Variants in PKP4 observed in about 807,000 individuals in gnomAD.
PKP4 encodes plakophilin 4, also known as plakophilin-4.
Under a neutral mutation model 145.1 loss-of-function variants are expected in PKP4, and 90 were observed. The observed-to-expected ratio is 0.62, with a 90% CI of 0.52 to 0.74. PKP4 has a LOEUF of 0.74. Among genes scored for constraint, PKP4 ranks in the 30% least tolerant of loss-of-function variants. PKP4 has a pLI of 0.00. For missense variants in PKP4, 1,340 were observed against 1,482.7 expected (o/e 0.90, Z 1.58); for synonymous variants, 563 against 577.2 (o/e 0.98, Z 0.35).
chr2:158,484,238 G>A (rs867693876), intron 1 of PKP4, among the ~76,000 whole-genome samples: 1 of 151,748 alleles, frequency 6.6e-6, no homozygotes, highest in Non-Finnish European at 1.5e-5. Context: ...TAGTAGAGAC[G>A]GGGTTTCACC....
At chr2:158,502,600 G>C (rs1696749884) in intron 1 of PKP4, among the ~76,000 whole-genome samples, 1 of 152,142 alleles carries the variant, frequency 6.6e-6, no homozygotes, top group Admixed American at 6.5e-5. Context: ...GTCACTTCTA[G>C]TTGAAATCTC....
At chr2:158,551,881 C>T (rs1166914482) in intron 2 of PKP4, among the ~76,000 whole-genome samples, 2 of 152,140 alleles carry the variant, frequency 1.3e-5, no homozygotes, top group Non-Finnish European at 2.9e-5. Context: ...TTTTTATAGA[C>T]AGGATAGTCT....
chr2:158,641,487 T>C (rs906156807), intron 10 of PKP4, among the ~76,000 whole-genome samples: 2 of 150,872 alleles, frequency 1.3e-5, no homozygotes, highest in African/African-American at 5.0e-5. Flanking sequence ...AATATTTTAT[T>C]TCAGGGTTTT....
chr2:158,608,781 A>G (rs2050859683), intron 4 of PKP4, among the ~76,000 whole-genome samples: 1 of 150,910 alleles, frequency 6.6e-6, no homozygotes, highest in Non-Finnish European at 1.5e-5. Flanking sequence ...TATGAATAAA[A>G]TAGTAAAATC....
intron 2 of PKP4, among the ~76,000 whole-genome samples, chr2:158,553,908 G>T (rs1002764469): frequency 6.6e-6 from 1 of 152,178 alleles, no homozygotes; most frequent in African/African-American, 2.4e-5. Flanking sequence ...TTTGAGTGAT[G>T]AAATTTATGT....
intron 4 of PKP4, among the ~76,000 whole-genome samples, chr2:158,614,302 C>T (rs1371622363): frequency 6.6e-6 from 1 of 152,064 alleles, no homozygotes. Context: ...AAATTAAATA[C>T]AAATGCTTTA....
Position 158,673,926 on chromosome 2 carries a change from T to TGGAGCG in PKP4, c.3054_3059dup (p.Glu1019_Arg1020dup). On this transcript the variant is annotated inframe_insertion, in exon 19 of 22. Transcript: ENST00000389759. ...CATTTTATTACACCTGTGTCGACATTGGAGCGAGACCGATTCAAATCACAT... is the reference window on the plus strand; with the variant it reads ...CATTTTATTACACCTGTGTCGACATTGGAGCGGGAGCGAGACCGATTCAAATCACAT... 6.2e-7 allele frequency: 1 copy of TGGAGCG among 1,613,380 alleles called. No individual in the cohort carries two copies. Among genetic ancestry groups the TGGAGCG allele is most frequent in the East Asian group, 2.2e-5 (1 of 44,886 alleles).
intron 1 of PKP4, among the ~76,000 whole-genome samples, chr2:158,482,404 C>T (rs1322867773): frequency 6.6e-6 from 1 of 152,196 alleles, no homozygotes; most frequent in Non-Finnish European, 1.5e-5. Context: ...CTGCTTCAGC[C>T]TCCATTGTAG....
rs2058030164 is a variant in PKP4, at chr2:158,676,590, A to ACTC, written c.3128-147_3128-145dup. 1.2e-5 allele frequency: 11 copies of ACTC among 945,866 alleles called. No individual in the cohort carries two copies. In the South Asian group the frequency reaches 1.6e-4, roughly 14 times the overall value. The allele number at this position is 945,866 out of a possible 1,614,324, so 58.6% of individuals were successfully genotyped here. A position where few individuals can be genotyped will look rare whatever the true frequency, so the allele number is the denominator to read the frequency against. The stretch of plus-strand genomic sequence containing the variant: ...AGTACTTGGGTCTAGCTGCTCTTCC[A>ACTC]CTCCCAGCACCTCTGAGATATTTTC... On this transcript the variant is annotated intron_variant, in intron 19 of 21. Coordinates refer to ENST00000389759, the MANE Select transcript of PKP4 (RefSeq NM_003628.6).
At chr2:158,655,082 G>T (rs1162068985) in intron 11 of PKP4, among the ~76,000 whole-genome samples, 3 of 152,018 alleles carry the variant, frequency 2.0e-5, no homozygotes, top group Non-Finnish European at 4.4e-5. Flanking sequence ...AATTAATTTT[G>T]TACAACTTGG....
chr2:158,678,492 G>A (rs1347665147), intron 20 of PKP4, 89 bp from the exon 21 acceptor site: 2 of 896,108 alleles, frequency 2.2e-6, no homozygotes, highest in South Asian at 1.3e-5. Context: ...GTCGGGGACA[G>A]TGCTAGCCCT....
intron 2 of PKP4, among the ~76,000 whole-genome samples, chr2:158,571,815 G>C (rs1011003260): frequency 5.3e-5 from 8 of 152,244 alleles, no homozygotes; most frequent in Admixed American, 3.3e-4. Context: ...AGTGTTACGT[G>C]AAAATGGTTC....
intron 2 of PKP4, among the ~76,000 whole-genome samples, chr2:158,546,036 G>A (rs1020999540): frequency 6.6e-6 from 1 of 152,140 alleles, no homozygotes; most frequent in Non-Finnish European, 1.5e-5. Context: ...CCCAGAATAT[G>A]TTTTTGACAT....
intron 1 of PKP4, among the ~76,000 whole-genome samples, chr2:158,475,055 G>C (rs2105415689): frequency 6.6e-6 from 1 of 152,308 alleles, no homozygotes; most frequent in South Asian, 2.1e-4. Context: ...GTTATACTGA[G>C]ATATCAGCTC....
intron 11 of PKP4, among the ~76,000 whole-genome samples, chr2:158,642,962 TA>T (rs2054446437): frequency 6.6e-6 from 1 of 152,242 alleles, no homozygotes; most frequent in Admixed American, 6.5e-5. Flanking sequence ...CATGGAGGAC[TA>T]AATATGACAT....
At chr2:158,636,628 C>T (rs1398103003) in intron 9 of PKP4, among the ~76,000 whole-genome samples, 1 of 152,034 alleles carries the variant, frequency 6.6e-6, no homozygotes, top group Non-Finnish European at 1.5e-5. Context: ...CTCTTTTCTC[C>T]TTCTAGGACT....
At chr2:158,671,502 C>A (rs1012135041) in intron 17 of PKP4, among the ~76,000 whole-genome samples, 3 of 152,136 alleles carry the variant, frequency 2.0e-5, no homozygotes, top group Admixed American at 1.3e-4. Context: ...AGTGCCAGAA[C>A]CTTTCCATAT....
intron 3 of PKP4, among the ~76,000 whole-genome samples, chr2:158,582,168 T>C (rs1001436064): frequency 1.3e-5 from 2 of 152,238 alleles, no homozygotes; most frequent in African/African-American, 4.8e-5. Flanking sequence ...ATTATCTGTG[T>C]ATTTAATATT....
chr2:158,676,149 T>G (rs13417636), intron 19 of PKP4, among the ~76,000 whole-genome samples: 17,439 of 152,184 alleles, frequency 0.11, 1,035 homozygotes, highest in Middle Eastern at 0.17. Context: ...CCAGGCTTAC[T>G]GGGTTTAAAT....
Sources: gnomAD v4.1 joint callset for allele counts (sites outside exome capture counted in the v4.1 genomes callset) on GRCh38, gnomAD v4.1.1 for gene constraint, MANE v1.5 for transcripts, NCBI Gene and HGNC (gene_info 2026-07-23, HGNC 2026-07-21) for gene names.